DNAH3: variants seen among roughly 807,000 people sequenced by gnomAD.
DNAH3 encodes dynein axonemal heavy chain 3.
In DNAH3, 332 loss-of-function variants were observed where a neutral mutation model predicts 432.5. The ratio of observed to expected loss-of-function variants is 0.77; its 90% CI spans 0.70 to 0.84. The LOEUF (loss-of-function observed/expected upper bound fraction) is 0.84. Ranked by LOEUF, DNAH3 falls within the 40% of genes least tolerant of loss-of-function variation. The pLI is 0.00. For missense variants in DNAH3, 4,861 were observed against 5,114.0 expected, an observed-to-expected ratio of 0.95 and a Z score of 1.51; for synonymous variants, 1,956 against 1,900.2, an observed-to-expected ratio of 1.03 and a Z score of -0.76.
intron 41 of DNAH3, among the ~76,000 whole-genome samples, chr16:21,008,319 C>A (rs2087418912): frequency 6.6e-6 from 1 of 152,158 alleles, no homozygotes; most frequent in Admixed American, 6.5e-5. Context: ...ATCTTATCTA[C>A]AGTGTTGGCC....
chr16:20,986,087 A>G (rs1055721097), intron 47 of DNAH3, among the ~76,000 whole-genome samples: 1 of 151,932 alleles, frequency 6.6e-6, no homozygotes, highest in Admixed American at 6.6e-5. Context: ...AACTCCTGAT[A>G]TCAGGTTACC....
At chr16:20,981,493 G>A (rs1011209548) in intron 49 of DNAH3, among the ~76,000 whole-genome samples, 1 of 152,104 alleles carries the variant, frequency 6.6e-6, no homozygotes, top group Non-Finnish European at 1.5e-5. Context: ...CAGCACTTTG[G>A]GAGGCCGAGG....
At position 21,085,527 on chromosome 16, in the gene DNAH3, CAAAAAAAAAAA is replaced by C. The variant is rs34136946; in HGVS notation, c.2877+1311_2877+1321del. Among the ~76,000 whole-genome samples, 26 of 81,318 alleles carry C rather than the reference CAAAAAAAAAAA, an allele frequency of 3.2e-4. No homozygotes were observed. In the East Asian group the frequency reaches 7.5e-3, roughly 24 times the overall value. 53.3% of individuals were successfully genotyped at this position (81,318 alleles called of 152,430 possible). A position where few individuals can be genotyped will look rare whatever the true frequency, so the allele number is the denominator to read the frequency against. ...TGGGTGACACAGTGAGATTCCACCT[CAAAAAAAAAAA>C]AAAAAAAAAAGAAAAACAGAGGTCT... On this transcript the variant is annotated intron_variant, in intron 19 of 61. Transcript: ENST00000261383.
intron 21 of DNAH3, among the ~76,000 whole-genome samples, chr16:21,071,226 G>T (rs1259572077): frequency 6.6e-6 from 1 of 152,154 alleles, no homozygotes; most frequent in Non-Finnish European, 1.5e-5. Context: ...ATTTTTAGTA[G>T]AGACAGGGTT....
At chr16:21,067,298 C>G in exon 24 of DNAH3, 1 of 1,614,090 alleles carries the variant, frequency 6.2e-7, no homozygotes, top group Non-Finnish European at 8.5e-7. Context: ...GAAGAATAGT[C>G]TCTTCTTCTC....
Position 21,067,423 on chromosome 16 carries a change from G to A in DNAH3, c.3382-4C>T. 6.2e-7 allele frequency: 1 copy of A among 1,612,920 alleles called. No individual in the cohort carries two copies. Among genetic ancestry groups the A allele is most frequent in the Non-Finnish European group, 8.5e-7 (1 of 1,179,526 alleles). ...CCAGAATCCTGTTATCTTTCACCTG[G>A]GTTCCATCAAAAAAAGTGAGACTCA... On this transcript the variant is annotated splice_region_variant and splice_polypyrimidine_tract_variant and intron_variant, in intron 23 of 61. Transcript: ENST00000261383.
rs367816674 is a variant in DNAH3 at position 20,997,486 on chromosome 16, A to G, written c.6422-24T>C. The G allele has an allele frequency of 2.2e-5, 36 of 1,610,316 alleles. No individual in the cohort carries two copies. In the African/African-American group the frequency reaches 4.7e-4, roughly 21 times the overall value. On this transcript the variant is annotated intron_variant, in intron 43 of 61. Transcript: ENST00000261383. ...ATCTGGGGAAAGAAACCACAGATAC[A>G]GCCATTGCAAGTTCATGGCATCTTC...
At chr16:21,096,657 T>C (rs190615094) in intron 18 of DNAH3, among the ~76,000 whole-genome samples, 1 of 151,984 alleles carries the variant, frequency 6.6e-6, no homozygotes, top group Non-Finnish European at 1.5e-5. Context: ...TTTTTTTTTA[T>C]TTGTTTGTTT....
chr16:20,980,607 G>A (rs1406059284), intron 49 of DNAH3, among the ~76,000 whole-genome samples: 1 of 151,616 alleles, frequency 6.6e-6, no homozygotes, highest in Non-Finnish European at 1.5e-5. Context: ...AGGCTAGTCT[G>A]GAATTCTCGA....
At chr16:21,064,230 A>G (rs564569140) in intron 24 of DNAH3, among the ~76,000 whole-genome samples, 4 of 152,242 alleles carry the variant, frequency 2.6e-5, no homozygotes, top group South Asian at 2.1e-4. Context: ...CACCATATAA[A>G]TAAACCCAGG....
At chr16:21,117,879 C>A (rs899874703) in intron 11 of DNAH3, among the ~76,000 whole-genome samples, 1 of 152,176 alleles carries the variant, frequency 6.6e-6, no homozygotes, top group Non-Finnish European at 1.5e-5. Flanking sequence ...TCCCCTACTA[C>A]CCAGTTTTCC....
intron 56 of DNAH3, among the ~76,000 whole-genome samples, chr16:20,950,748 T>C (rs1249076179): frequency 2.0e-5 from 3 of 152,182 alleles, no homozygotes; most frequent in Non-Finnish European, 4.4e-5. Context: ...ATTTAGCACA[T>C]GTCTATTCTT....
rs1555580677 is a variant in DNAH3, at chr16:21,157,923, G to GGGC, written c.117+1401_117+1402insGCC. 5.9e-5 allele frequency among the ~76,000 whole-genome samples: 9 copies of GGGC among 151,540 alleles called. No homozygotes were observed. The South Asian group carries it at 1.9e-3, about 32-fold the overall frequency. ...TGAGACACAACTGGAGGTGGGGGGG[G>GGGC]GCGGTTCTTGTAACTGGCATCTAAT... is the stretch of plus-strand genomic sequence containing the variant. On this transcript the variant is annotated intron_variant, in intron 1 of 61. Transcript: ENST00000261383.
At chr16:21,133,631 T>G (rs2092601259) in intron 7 of DNAH3, among the ~76,000 whole-genome samples, 1 of 151,716 alleles carries the variant, frequency 6.6e-6, no homozygotes, top group African/African-American at 2.4e-5. Context: ...TCCCAGCTAC[T>G]CGGGAGGTTG....
intron 18 of DNAH3, among the ~76,000 whole-genome samples, chr16:21,090,871 G>A (rs899107684): frequency 6.6e-6 from 1 of 152,164 alleles, no homozygotes; most frequent in Non-Finnish European, 1.5e-5. Context: ...GTATATTTCA[G>A]CTGGGTGAGG....
At chr16:21,080,529 C>T (rs1483333955) in intron 20 of DNAH3, among the ~76,000 whole-genome samples, 2 of 152,202 alleles carry the variant, frequency 1.3e-5, no homozygotes, top group Non-Finnish European at 2.9e-5. Flanking sequence ...CTAATTCAGA[C>T]TAGCTGCACT....
At chr16:21,081,592 T>A (rs1356076199) in intron 20 of DNAH3, 44 bp downstream of exon 20, 3 of 1,521,052 alleles carry the variant, frequency 2.0e-6, no homozygotes. Context: ...AACTTACAGA[T>A]CCTTTGACCA....
At chr16:21,108,206 C>T (rs2091991379) in intron 14 of DNAH3, among the ~76,000 whole-genome samples, 1 of 152,144 alleles carries the variant, frequency 6.6e-6, no homozygotes, top group Admixed American at 6.6e-5. Context: ...ACAGAAACTT[C>T]AGAAGTCAGC....
At chr16:21,148,169 C>A (rs552765465) in intron 1 of DNAH3, among the ~76,000 whole-genome samples, 3 of 152,130 alleles carry the variant, frequency 2.0e-5, no homozygotes, top group African/African-American at 7.2e-5. Flanking sequence ...CTGCCCCCAA[C>A]CCCTTAAAGA....
Sources: gnomAD v4.1 joint callset for allele counts (sites outside exome capture counted in the v4.1 genomes callset) on GRCh38, gnomAD v4.1.1 for gene constraint, MANE v1.5 for transcripts, NCBI Gene and HGNC (gene_info 2026-07-23, HGNC 2026-07-21) for gene names.